The following ACBD5 variants were observed in gnomAD, a reference collection of about 807,000 sequenced individuals.
The protein encoded by ACBD5 is acyl-CoA-binding domain-containing protein 5.
Under a neutral mutation model 71.8 loss-of-function variants are expected in ACBD5, and 40 were observed. The observed-to-expected ratio is 0.56, with a 90% confidence interval of 0.43 to 0.72. ACBD5 has a LOEUF of 0.72. Among genes scored for constraint, ACBD5 ranks in the 30% least tolerant of loss-of-function variants. The pLI is 0.00. For synonymous variants in ACBD5, 229 were observed against 218.6 expected (o/e 1.05, Z -0.42); for missense variants, 559 against 644.5 (o/e 0.87, Z 1.44).
intron 5 of ACBD5, among the ~76,000 whole-genome samples, chr10:27,222,102 C>T (rs938101319): frequency 6.6e-5 from 10 of 151,712 alleles, no homozygotes; most frequent in African/African-American, 2.4e-4. Flanking sequence ...GGTTTATGAC[C>T]GTGACAAGGA....
rs1028671796 is a variant in ACBD5 at position 27,195,265 on chromosome 10, A to G, written c.*2165T>C. ...AACTTAGTTTTACAATAAACAGAAA[A>G]GAAGTTATCATTAAAAAAATACCAT... On this transcript the variant is annotated 3_prime_UTR_variant, in exon 13 of 13. Coordinates refer to ENST00000396271, the MANE Select transcript of ACBD5 (RefSeq NM_145698.5). 2.4e-5 allele frequency: 10 copies of G among 425,088 alleles called. No homozygotes were observed. Among genetic ancestry groups the G allele is most frequent in the African/African-American group, 2.1e-4 (10 of 48,284 alleles). The allele number at this position is 425,088 out of a possible 1,614,324, so 26.3% of individuals were successfully genotyped here.
At chr10:27,187,634 C>T (rs1373731647) in intron 13 of ACBD5, among the ~76,000 whole-genome samples, 1 of 151,930 alleles carries the variant, frequency 6.6e-6, no homozygotes, top group Non-Finnish European at 1.5e-5. Flanking sequence ...CACCTGTAGT[C>T]CCAGCTACTT....
chr10:27,207,331 G>C (rs1374750161), intron 10 of ACBD5, among the ~76,000 whole-genome samples: 4 of 150,626 alleles, frequency 2.7e-5, no homozygotes, highest in Non-Finnish European at 5.9e-5. Flanking sequence ...ACTGAGAATT[G>C]TGGAGATACA....
At chr10:27,238,288 T>A (rs2065026973) in intron 2 of ACBD5, among the ~76,000 whole-genome samples, 1 of 152,224 alleles carries the variant, frequency 6.6e-6, no homozygotes, top group Non-Finnish European at 1.5e-5. Flanking sequence ...ATAGGGTATG[T>A]TAACTTTGCA....
chr10:27,196,768 T>C lies in ACBD5; in HGVS notation c.*662A>G. On this transcript the variant is annotated 3_prime_UTR_variant, in exon 13 of 13. Coordinates refer to ENST00000396271, the MANE Select transcript of ACBD5 (RefSeq NM_145698.5). ...GCTCATTCTTCACCATTTCCATCAG[T>C]GGGTTATGTCTAGCCTGCAAATCAT... 2.2e-6 allele frequency: 1 copy of C among 454,294 alleles called. No homozygotes were observed. Among genetic ancestry groups the C allele is most frequent in the Non-Finnish European group, 4.4e-6 (1 of 226,780 alleles). 28.1% of individuals were successfully genotyped at this position (454,294 alleles called of 1,614,324 possible). A position where few individuals can be genotyped will look rare whatever the true frequency, so the allele number is the denominator to read the frequency against.
intron 4 of ACBD5, among the ~76,000 whole-genome samples, chr10:27,227,052 G>C (rs1357565426): frequency 3.1e-5 from 2 of 63,794 alleles, no homozygotes; most frequent in African/African-American, 6.7e-5. Flanking sequence ...ACTATTGTTA[G>C]TATCAGTGTA....
At chr10:27,232,639 A>G (rs1330431440) in intron 3 of ACBD5, among the ~76,000 whole-genome samples, 2 of 152,024 alleles carry the variant, frequency 1.3e-5, no homozygotes, top group African/African-American at 4.8e-5. Flanking sequence ...CCATGTTTTA[A>G]ATGAACAGAC....
At position 27,210,869 on chromosome 10, in the gene ACBD5, G is replaced by A; in HGVS notation, c.1149C>T (p.His383=). 1.2e-6 allele frequency: 2 copies of A among 1,614,158 alleles called. No homozygotes were observed. Among genetic ancestry groups the A allele is most frequent in the Non-Finnish European group, 1.7e-6 (2 of 1,180,020 alleles). Residue 383 remains histidine, a synonymous_variant, in exon 9 of 13, where the codon CAC becomes CAT. Transcript: ENST00000396271. ...EDGRNNSGAP[H]REKRGGETDE... The stretch of plus-strand genomic sequence containing the variant: ...CAGTTTCTCCGCCTCGCTTCTCCCG[G>A]TGTGGTGCTCCGCTGTTATTCCTGC...
At position 27,208,323 on chromosome 10, in the gene ACBD5, C is replaced by A. The variant is rs1056013477; in HGVS notation, c.1327G>T (p.Val443Leu). 1 of 1,614,174 alleles carries A rather than the reference C, an allele frequency of 6.2e-7. No individual in the cohort carries two copies. The highest frequency in any genetic ancestry group is 8.5e-7 in the Non-Finnish European group (1 of 1,180,028). ...ATGTCCTCCTGCAGTCTCATCAGCACGAGGGCGATCTGCTCATTGAGGCTG... is the reference window on the plus strand; with the variant it reads ...ATGTCCTCCTGCAGTCTCATCAGCAAGAGGGCGATCTGCTCATTGAGGCTG... ...RGSLNEQIALVLMRLQEDMQN... is the reference protein window; with the variant it reads ...RGSLNEQIALLLMRLQEDMQN... Residue 443 changes from valine (V) to leucine (L), a missense_variant, in exon 10 of 13, where the codon GTG (valine) becomes TTG (leucine). Transcript: ENST00000396271.
upstream of ACBD5, chr10:27,240,852 G>A (rs1016905878): frequency 3.1e-5 from 34 of 1,081,242 alleles, no homozygotes; most frequent in South Asian, 3.2e-4. The surrounding 1 kb of genome is among the most constrained non-coding windows in gnomAD (Gnocchi z 4.1). Flanking sequence ...GGACCCACTG[G>A]CGCCGCCGCC....
chr10:27,188,013 A>T (rs1356213236), intron 13 of ACBD5, among the ~76,000 whole-genome samples: 1 of 152,202 alleles, frequency 6.6e-6, no homozygotes, highest in African/African-American at 2.4e-5. Flanking sequence ...GGGGAAAAAA[A>T]ACTTGTTCCT....
intron 8 of ACBD5, among the ~76,000 whole-genome samples, chr10:27,211,610 C>G (rs948205847): frequency 6.6e-6 from 1 of 152,084 alleles, no homozygotes; most frequent in African/African-American, 2.4e-5. Context: ...TGAGACCCCA[C>G]GCCCGCCCAG....
At chr10:27,186,630 A>G in intron 13 of ACBD5, 2 of 1,158,918 alleles carry the variant, frequency 1.7e-6, no homozygotes, top group South Asian at 2.4e-5. Context: ...AGGGGGAAAG[A>G]TCATTATTTA....
intron 4 of ACBD5, among the ~76,000 whole-genome samples, chr10:27,226,657 T>G (rs1302012915): frequency 6.7e-6 from 1 of 148,396 alleles, no homozygotes; most frequent in Non-Finnish European, 1.5e-5. Flanking sequence ...TAATTTTTTT[T>G]GTTAATTTTT....
intron 5 of ACBD5, among the ~76,000 whole-genome samples, chr10:27,220,964 C>T (rs1002351): frequency 0.069 from 10,458 of 152,256 alleles, 678 homozygotes; most frequent in African/African-American, 0.17. Context: ...ACATTTCTAA[C>T]TCCATTTCTA....
chr10:27,194,536 T>A (rs1392661093), downstream of ACBD5, among the ~76,000 whole-genome samples: 1 of 150,790 alleles, frequency 6.6e-6, no homozygotes, highest in Non-Finnish European at 1.5e-5. Context: ...CACTGGAACC[T>A]GGGAAGCAGA....
At chr10:27,186,480 T>C in intron 13 of ACBD5, 1 of 1,614,162 alleles carries the variant, frequency 6.2e-7, no homozygotes, top group Non-Finnish European at 8.5e-7. Flanking sequence ...AGATACCTCC[T>C]ATTTTGAAGC....
chr10:27,187,889 C>A (rs1158480271), intron 13 of ACBD5, among the ~76,000 whole-genome samples: 1 of 152,044 alleles, frequency 6.6e-6, no homozygotes, highest in Non-Finnish European at 1.5e-5. Context: ...TTATCAGAAA[C>A]AGATTGGTCC....
At chr10:27,224,486 C>T (rs563890859) in intron 4 of ACBD5, among the ~76,000 whole-genome samples, 19 of 152,198 alleles carry the variant, frequency 1.2e-4, no homozygotes, top group South Asian at 4.2e-4. Context: ...AATAAGGTAG[C>T]GTAGTATTTC....
Sources: gnomAD v4.1 joint callset for allele counts (sites outside exome capture counted in the v4.1 genomes callset) on GRCh38, gnomAD v4.1.1 for gene constraint, Gnocchi (gnomAD v3.1) non-coding constraint, MANE v1.5 for transcripts, NCBI Gene and HGNC (gene_info 2026-07-23, HGNC 2026-07-21) for gene names.